BMPR1A: variants seen among roughly 807,000 people sequenced by gnomAD.
BMPR1A encodes bone morphogenetic protein receptor type 1A.
In BMPR1A, 7 loss-of-function variants were observed where a neutral mutation model predicts 66.0. The ratio of observed to expected loss-of-function variants is 0.11; its 90% CI spans 0.06 to 0.20. BMPR1A has a LOEUF of 0.20. BMPR1A is among the 10% of genes least tolerant of loss of function. The probability of loss-of-function intolerance (pLI) is 1.00; values close to 1 mark genes in which losing one functional copy is unlikely to be tolerated. For synonymous variants in BMPR1A, 200 were observed against 229.7 expected (o/e 0.87, Z 1.17); for missense variants, 408 against 669.1 (o/e 0.61, Z 4.31).
intron 7 of BMPR1A, among the ~76,000 whole-genome samples, chr10:86,900,425 CTT>C (rs561172840): frequency 2.0e-4 from 28 of 136,942 alleles, no homozygotes; most frequent in Admixed American, 3.7e-4. Context: ...TGTTATAATT[CTT>C]TTTTTTTTTT....
chr10:86,923,306 G>C, intron 11 of BMPR1A, 70 bp from the exon 12 acceptor site: 1 of 1,595,774 alleles, frequency 6.3e-7, no homozygotes, highest in South Asian at 1.1e-5. Flanking sequence ...TTTAGCAAAA[G>C]ATGCTTACTA....
chr10:86,833,761 T>C (rs567849157), intron 1 of BMPR1A, among the ~76,000 whole-genome samples: 1 of 152,314 alleles, frequency 6.6e-6, no homozygotes, highest in East Asian at 1.9e-4. Context: ...CAGTTTACAT[T>C]GTGTAGGGAA....
intron 1 of BMPR1A, among the ~76,000 whole-genome samples, chr10:86,792,629 C>T (rs892543108): frequency 1.3e-5 from 2 of 152,078 alleles, no homozygotes; most frequent in African/African-American, 4.8e-5. Flanking sequence ...GAATCTGTCT[C>T]TATAAAACAA....
At position 86,923,912 on chromosome 10, in the gene BMPR1A, T is replaced by C; in HGVS notation, c.*193T>C. ...AAGCTGGGAACTTCTAAACACTTCA[T>C]TCTTTATATATGGACAGCTTTATTT... On this transcript the variant is annotated 3_prime_UTR_variant, in exon 13 of 13. Transcript: ENST00000372037. The C allele has an allele frequency of 1.6e-6, 1 of 641,710 alleles. No individual in the cohort carries two copies. The highest frequency in any genetic ancestry group is 1.8e-5 in the African/African-American group (1 of 54,618). The allele number at this position is 641,710 out of a possible 1,614,324, so 39.8% of individuals were successfully genotyped here.
chr10:86,929,118 T>G (rs1322533807), downstream of BMPR1A: 1 of 152,178 alleles, frequency 6.6e-6, no homozygotes, highest in Non-Finnish European at 1.5e-5. Context: ...TTTCATTGTT[T>G]TGAAAAATAG....
chr10:86,903,365 A>C (rs1439142887), intron 7 of BMPR1A, among the ~76,000 whole-genome samples: 1 of 152,148 alleles, frequency 6.6e-6, no homozygotes, highest in African/African-American at 2.4e-5. Context: ...ATGAAACTTT[A>C]GGAAATGAAA....
chr10:86,808,191 A>G (rs1841918803), intron 1 of BMPR1A, among the ~76,000 whole-genome samples: 1 of 152,144 alleles, frequency 6.6e-6, no homozygotes, highest in South Asian at 2.1e-4. Flanking sequence ...CAAATTTTTA[A>G]TCATGTTTGT....
intron 8 of BMPR1A, among the ~76,000 whole-genome samples, chr10:86,913,333 T>C (rs1026702143): frequency 6.6e-6 from 1 of 150,400 alleles, no homozygotes; most frequent in Non-Finnish European, 1.5e-5. Flanking sequence ...TTCTCCATGT[T>C]GGCCAGGCTG....
intron 7 of BMPR1A, among the ~76,000 whole-genome samples, chr10:86,908,533 GC>G (rs1843430080): frequency 6.6e-6 from 1 of 152,176 alleles, no homozygotes; most frequent in African/African-American, 2.4e-5. Flanking sequence ...GTGATGGGCT[GC>G]TGTTCATTTG....
chr10:86,766,433 T>C (rs1841163747), intron 1 of BMPR1A, among the ~76,000 whole-genome samples: 1 of 152,222 alleles, frequency 6.6e-6, no homozygotes, highest in Admixed American at 6.5e-5. Context: ...CTGTGGTGTT[T>C]GTACATATCC....
intron 1 of BMPR1A, among the ~76,000 whole-genome samples, chr10:86,838,659 AG>A (rs1431573773): frequency 6.6e-6 from 1 of 151,772 alleles, no homozygotes; most frequent in Admixed American, 6.6e-5. Context: ...CTGTTCCCAC[AG>A]AACTAACTTT....
At chr10:86,824,546 CT>C (rs1229783778) in intron 1 of BMPR1A, among the ~76,000 whole-genome samples, 1 of 152,114 alleles carries the variant, frequency 6.6e-6, no homozygotes, top group Non-Finnish European at 1.5e-5. Context: ...CACACCTGGC[CT>C]TTTGGAGGAA....
intron 1 of BMPR1A, among the ~76,000 whole-genome samples, chr10:86,805,377 T>TACAC (rs60828047): frequency 0.019 from 2,752 of 143,040 alleles, 85 homozygotes; most frequent in African/African-American, 0.063. Flanking sequence ...CTCCTACCTG[T>TACAC]ACACACACAC....
chr10:86,773,184 T>C (rs535334506), intron 1 of BMPR1A, among the ~76,000 whole-genome samples: 2 of 136,260 alleles, frequency 1.5e-5, no homozygotes, highest in South Asian at 2.1e-4. Context: ...TTTGCCACTT[T>C]TAAGTTTTTT....
chr10:86,867,469 T>C (rs530861382), intron 2 of BMPR1A, among the ~76,000 whole-genome samples: 3 of 152,352 alleles, frequency 2.0e-5, no homozygotes, highest in African/African-American at 7.2e-5. Flanking sequence ...CTGCGTGTTC[T>C]AGAGGAGAAA....
intron 1 of BMPR1A, among the ~76,000 whole-genome samples, chr10:86,782,589 G>A (rs12248735): frequency 0.02 from 3,112 of 152,060 alleles, 112 homozygotes; most frequent in African/African-American, 0.071. Context: ...GAGTTTTGCC[G>A]ATGATTAGTG....
At chr10:86,828,772 CA>C (rs1842229782) in intron 1 of BMPR1A, among the ~76,000 whole-genome samples, 2 of 139,172 alleles carry the variant, frequency 1.4e-5, no homozygotes, top group South Asian at 4.6e-4. Context: ...GATAATTTCT[CA>C]AAAGCTCTGT....
chr10:86,809,464 A>T (rs1243493077), intron 1 of BMPR1A, among the ~76,000 whole-genome samples: 1 of 151,380 alleles, frequency 6.6e-6, no homozygotes, highest in African/African-American at 2.4e-5. Flanking sequence ...TAATTTTTGT[A>T]TTTTTATTTT....
intron 1 of BMPR1A, among the ~76,000 whole-genome samples, chr10:86,827,875 C>G (rs77483034): frequency 6.6e-6 from 1 of 152,128 alleles, no homozygotes; most frequent in Non-Finnish European, 1.5e-5. Flanking sequence ...AGTTGCAGGC[C>G]GGGCACGGTG....
Sources: allele counts gnomAD v4.1 joint callset (sites outside exome capture counted in the v4.1 genomes callset), GRCh38; gene constraint gnomAD v4.1.1; transcripts MANE v1.5; gene names NCBI Gene and HGNC (gene_info 2026-07-23, HGNC 2026-07-21).